CTNND2: variants seen among roughly 807,000 people sequenced by gnomAD.
CTNND2 encodes catenin delta 2.
A neutral mutation model predicts 144.4 loss-of-function variants in CTNND2; 22 were observed. The ratio of observed to expected loss-of-function variants is 0.15; its 90% CI spans 0.11 to 0.22. The LOEUF is 0.22. Ranked by LOEUF, CTNND2 falls within the 10% of genes least tolerant of loss-of-function variation. CTNND2 has a pLI of 1.00. For synonymous variants in CTNND2, 751 were observed against 695.6 expected (o/e 1.08, Z -1.25); for missense variants, 1,353 against 1,618.8 (o/e 0.84, Z 2.82).
intron 16 of CTNND2, among the ~76,000 whole-genome samples, chr5:11,046,432 C>T (rs1243214119): frequency 1.3e-5 from 2 of 152,202 alleles, no homozygotes; most frequent in Non-Finnish European, 2.9e-5. Context: ...CCCTGTGACA[C>T]GCTAATCTGA....
intron 2 of CTNND2, among the ~76,000 whole-genome samples, chr5:11,674,475 A>G (rs943536247): frequency 6.6e-6 from 1 of 152,100 alleles, no homozygotes; most frequent in African/African-American, 2.4e-5. Flanking sequence ...AACATCCCCC[A>G]CCAAAGAGGT....
intron 5 of CTNND2, among the ~76,000 whole-genome samples, chr5:11,404,774 T>C (rs1171990838): frequency 6.6e-6 from 1 of 151,980 alleles, no homozygotes; most frequent in Non-Finnish European, 1.5e-5. Flanking sequence ...TGCCCCACCA[T>C]GCCCGGCTAA....
At chr5:11,617,913 T>C (rs922828568) in intron 2 of CTNND2, among the ~76,000 whole-genome samples, 3 of 152,216 alleles carry the variant, frequency 2.0e-5, no homozygotes, top group Non-Finnish European at 4.4e-5. Context: ...CCACATTTTA[T>C]GGATGGAAAA....
chr5:11,345,077 TTACGCTATTTC>T (rs1754638163), intron 9 of CTNND2, among the ~76,000 whole-genome samples: 1 of 152,236 alleles, frequency 6.6e-6, no homozygotes, highest in South Asian at 2.1e-4. Context: ...GGGTTCACTA[TTACGCTATTTC>T]TACACATTTT....
chr5:11,278,047 G>A (rs530379942), intron 9 of CTNND2, among the ~76,000 whole-genome samples: 1 of 152,182 alleles, frequency 6.6e-6, no homozygotes, highest in East Asian at 1.9e-4. Flanking sequence ...CCTCTGTCCT[G>A]CTCCAACACA....
intron 9 of CTNND2, among the ~76,000 whole-genome samples, chr5:11,297,619 T>G (rs1188958402): frequency 1.3e-5 from 2 of 152,246 alleles, no homozygotes; most frequent in Non-Finnish European, 2.9e-5. Flanking sequence ...TTTTAAATTT[T>G]AATATTAAAT....
At chr5:11,199,982 G>C (rs932421710) in intron 10 of CTNND2, among the ~76,000 whole-genome samples, 1 of 152,176 alleles carries the variant, frequency 6.6e-6, no homozygotes, top group Non-Finnish European at 1.5e-5. Flanking sequence ...AGCACATGAA[G>C]AAATAAAAGG....
intron 2 of CTNND2, among the ~76,000 whole-genome samples, chr5:11,590,127 G>A (rs1581573507): frequency 1.3e-5 from 2 of 150,846 alleles, no homozygotes; most frequent in East Asian, 4.0e-4. Flanking sequence ...TGCACTGCAA[G>A]CTCCGCCTCC....
At chr5:11,352,595 G>A (rs925443847) in intron 8 of CTNND2, among the ~76,000 whole-genome samples, 3 of 152,044 alleles carry the variant, frequency 2.0e-5, no homozygotes, top group Non-Finnish European at 2.9e-5. Flanking sequence ...AAGGTACTAC[G>A]GTCATGTTGA....
chr5:11,793,329 T>A (rs146777303), intron 1 of CTNND2, among the ~76,000 whole-genome samples: 6 of 152,314 alleles, frequency 3.9e-5, no homozygotes, highest in African/African-American at 1.4e-4. Context: ...GATTCATCCT[T>A]GATGCCTTTC....
intron 3 of CTNND2, among the ~76,000 whole-genome samples, chr5:11,436,067 A>C (rs940733816): frequency 2.0e-5 from 3 of 151,820 alleles, no homozygotes; most frequent in Non-Finnish European, 4.4e-5. Flanking sequence ...TACAGGCAAA[A>C]GTGGACTCCC....
intron 2 of CTNND2, among the ~76,000 whole-genome samples, chr5:11,584,785 T>G (rs1778711312): frequency 6.6e-6 from 1 of 152,190 alleles, no homozygotes; most frequent in South Asian, 2.1e-4. Context: ...CACTGATTGG[T>G]AATTCTTAGG....
intron 11 of CTNND2, among the ~76,000 whole-genome samples, chr5:11,163,934 A>G (rs1467904029): frequency 6.6e-6 from 1 of 152,148 alleles, no homozygotes; most frequent in Non-Finnish European, 1.5e-5. Flanking sequence ...AGGGGCTTGA[A>G]AAACACAAAT....
chr5:11,795,127 C>T (rs57883204), intron 1 of CTNND2, among the ~76,000 whole-genome samples: 14,549 of 152,144 alleles, frequency 0.096, 1,888 homozygotes, highest in African/African-American at 0.29. Context: ...AGTGAGTGTT[C>T]CTCCTGTGTT....
At chr5:11,298,741 G>T (rs186487051) in intron 9 of CTNND2, among the ~76,000 whole-genome samples, 2 of 152,170 alleles carry the variant, frequency 1.3e-5, no homozygotes, top group Admixed American at 1.3e-4. Flanking sequence ...GAAATGTGGC[G>T]TGTAGCACGG....
chr5:10,980,206 GAAAA>G (rs200953630), intron 21 of CTNND2, among the ~76,000 whole-genome samples: 1 of 146,058 alleles, frequency 6.8e-6, no homozygotes, highest in African/African-American at 2.5e-5. Flanking sequence ...AAATTTACAA[GAAAA>G]AAAAAACCCA....
intron 10 of CTNND2, among the ~76,000 whole-genome samples, chr5:11,225,170 C>G (rs1740198380): frequency 6.6e-6 from 1 of 152,188 alleles, no homozygotes; most frequent in Non-Finnish European, 1.5e-5. Context: ...TGGAAAACAG[C>G]TGAATTTCTC....
intron 1 of CTNND2, among the ~76,000 whole-genome samples, chr5:11,798,665 G>A (rs562101435): frequency 8.5e-5 from 13 of 152,212 alleles, no homozygotes; most frequent in Non-Finnish European, 1.3e-4. Context: ...TACTCGGGAC[G>A]CTGAGGCAGG....
At chr5:11,566,665 G>A (rs1028204962) in intron 2 of CTNND2, among the ~76,000 whole-genome samples, 2 of 152,098 alleles carry the variant, frequency 1.3e-5, no homozygotes, top group African/African-American at 4.8e-5. Flanking sequence ...CTGTGTTACC[G>A]AAGTTCAACA....
Sources: allele counts gnomAD v4.1 joint callset (sites outside exome capture counted in the v4.1 genomes callset), GRCh38; gene constraint gnomAD v4.1.1; transcripts MANE v1.5; gene names NCBI Gene and HGNC (gene_info 2026-07-23, HGNC 2026-07-21).